Variants in PLA2G6 observed in about 807,000 individuals in gnomAD.
The protein encoded by PLA2G6 is phospholipase A2 group VI.
PLA2G6 carries 62 observed loss-of-function variants against 83.8 expected under a neutral mutation model. The observed-to-expected ratio is 0.74, with a 90% confidence interval of 0.60 to 0.91. PLA2G6 has a LOEUF of 0.91. PLA2G6 is among the 40% of genes least tolerant of loss of function. The pLI is 0.00. For synonymous variants in PLA2G6, 417 were observed against 449.8 expected, an observed-to-expected ratio of 0.93 and a Z score of 0.92; for missense variants, 944 against 1,102.0, an observed-to-expected ratio of 0.86 and a Z score of 2.03.
intron 2 of PLA2G6, among the ~76,000 whole-genome samples, chr22:38,153,940 C>T (rs1569286751): frequency 6.6e-6 from 1 of 152,178 alleles, no homozygotes; most frequent in Admixed American, 6.5e-5. Flanking sequence ...CCTGAATGAA[C>T]GTTGGCAGTG....
At chr22:38,115,959 C>G (rs773618182) in intron 13 of PLA2G6, 116 bp downstream of exon 13, 56 of 1,483,808 alleles carry the variant, frequency 3.8e-5, no homozygotes, top group Non-Finnish European at 4.7e-5. Context: ...ACCAGTGCAG[C>G]GGGTGGGCTG....
intron 3 of PLA2G6, chr22:38,144,641 A>C (rs1319536093): frequency 2.0e-5 from 3 of 148,122 alleles, no homozygotes; most frequent in Non-Finnish European, 4.4e-5. Context: ...TCAAAAAAAA[A>C]AAAAAAAAAA....
At chr22:38,127,361 T>C (rs766990154) in intron 9 of PLA2G6, 11 of 1,306,640 alleles carry the variant, frequency 8.4e-6, no homozygotes, top group Middle Eastern at 2.2e-4. Flanking sequence ...CTAGAGCTAA[T>C]GCCGCATGGC....
chr22:38,133,001 G>T lies in PLA2G6; in HGVS notation c.907C>A (p.Leu303Met). 1 of 1,565,050 alleles carries T rather than the reference G, an allele frequency of 6.4e-7. No homozygotes were observed. The stretch of plus-strand genomic sequence containing the variant: ...TTCACGTTGCAGCCCCGTTTCAGCA[G>T]CATGCGGGCCATCTGCGGGAGACGG... ...WAKNAEMARMLLKRGCNVNST... is the reference protein window; with the variant it reads ...WAKNAEMARMMLKRGCNVNST... The change falls in exon 7 of 17, where the codon CTG becomes ATG. Residue 303 changes from leucine (L) to methionine (M), a missense_variant. Transcript: ENST00000332509.
chr22:38,115,615 C>T lies in PLA2G6; in HGVS notation c.1946G>A (p.Arg649His), dbSNP rs1461947940. ...AAPTYFRPNGRFLDGGLLANN... is the reference protein window; with the variant it reads ...AAPTYFRPNGHFLDGGLLANN... ...GGCCAGCAGCCCACCGTCCAGGAAG[C>T]GCCCATTGGGTCGGAAGTAAGTAGG... Residue 649 changes from arginine to histidine, a missense_variant, in exon 14 of 17, where the codon CGC becomes CAC. By Grantham distance (29) the Arg-to-His change is conservative. Coordinates refer to ENST00000332509, the MANE Select transcript of PLA2G6 (RefSeq NM_003560.4). The T allele has an allele frequency of 3.7e-6, 6 of 1,611,416 alleles. No homozygotes were observed. The highest frequency in any genetic ancestry group is 4.5e-5 in the East Asian group (2 of 44,830).
chr22:38,119,875 T>C (rs1366167768), intron 12 of PLA2G6, among the ~76,000 whole-genome samples: 1 of 151,688 alleles, frequency 6.6e-6, no homozygotes, highest in East Asian at 1.9e-4. Context: ...TTTATAAATA[T>C]TATCTACCTC....
At chr22:38,151,499 C>T (rs1432500672) in intron 2 of PLA2G6, among the ~76,000 whole-genome samples, 1 of 152,110 alleles carries the variant, frequency 6.6e-6, no homozygotes, top group African/African-American at 2.4e-5. Context: ...CCTAGGCTTC[C>T]CAAAGTGCTG....
chr22:38,143,246 C>T lies in PLA2G6; in HGVS notation c.468G>A (p.Leu156=). 6.2e-7 allele frequency: 1 copy of T among 1,613,986 alleles called. No homozygotes were observed. The highest frequency in any genetic ancestry group is 8.5e-7 in the Non-Finnish European group (1 of 1,180,034). The change falls in exon 4 of 17, where the codon CTG becomes CTA. Residue 156 remains leucine, a synonymous_variant. Coordinates refer to ENST00000332509, the MANE Select transcript of PLA2G6 (RefSeq NM_003560.4). ...CAENEEGCTP[L]HLACRKGDGE... ...CATCACCCTTGCGGCAGGCCAGGTG[C>T]AGGGGTGTGCAGCCCTCCTCGTTCT...
Position 38,134,977 on chromosome 22 carries a change from G to T in PLA2G6, c.894+11C>A. ...CCCCTGCCCCACCCACCCACCTCAG[G>T]ATCCACTCACCTCTGCGTTCTTGGC... On this transcript the variant is annotated intron_variant, in intron 6 of 16. Coordinates refer to ENST00000332509, the MANE Select transcript of PLA2G6 (RefSeq NM_003560.4). 1.9e-6 allele frequency: 3 copies of T among 1,544,416 alleles called. No homozygotes were observed. The highest frequency in any genetic ancestry group is 1.8e-6 in the Non-Finnish European group (2 of 1,118,930).
Position 38,166,736 on chromosome 22 carries a change from A to C in PLA2G6, c.209+2482T>G, listed in dbSNP as rs547134344. On this transcript the variant is annotated intron_variant, in intron 2 of 16. Transcript: ENST00000332509. ...AGAGCAAGACTTAACGTCTCAAAAAAATAAATACATACATACATACATGGA... is the reference window on the plus strand; with the variant it reads ...AGAGCAAGACTTAACGTCTCAAAAACATAAATACATACATACATACATGGA... 9.1e-4 allele frequency among the ~76,000 whole-genome samples: 138 copies of C among 152,240 alleles called. 3 individuals carry two copies. Among genetic ancestry groups the C allele is most frequent in the Middle Eastern group, 3.4e-3 (1 of 294 alleles).
rs376867335 is a variant in PLA2G6 at position 38,164,184 on chromosome 22, C to A, written c.209+5034G>T. 2.1e-3 allele frequency among the ~76,000 whole-genome samples: 317 copies of A among 152,314 alleles called. 1 individual carries two copies. The highest frequency in any genetic ancestry group is 7.4e-3 in the African/African-American group (306 of 41,564). On this transcript the variant is annotated intron_variant, in intron 2 of 16. Transcript: ENST00000332509. ...ATTACAAGTGACCCCTGGGGGCTCACACGGGGAGAGCCAGGGCCCCCGCAC... is the reference window on the plus strand; with the variant it reads ...ATTACAAGTGACCCCTGGGGGCTCAAACGGGGAGAGCCAGGGCCCCCGCAC...
At chr22:38,126,928 T>C (rs2087897003) in intron 9 of PLA2G6, 3 of 896,690 alleles carry the variant, frequency 3.3e-6, no homozygotes, top group Non-Finnish European at 4.2e-6. Flanking sequence ...AGGACGTTCC[T>C]CGGGGTTTAA....
In PLA2G6 at chr22:38,123,282, G is replaced by A; in HGVS notation, c.1428-24C>T. On this transcript the variant is annotated intron_variant, in intron 10 of 16. Coordinates refer to ENST00000332509, the MANE Select transcript of PLA2G6 (RefSeq NM_003560.4). The surrounding 1 kb of genome is among the most constrained non-coding windows in gnomAD (Gnocchi z 4.1). ...GGCTGCAGTGGGAACAGCAGTGGGA[G>A]AGAGGAGGGTCCTGCCACAGCCCAG... 6.4e-7 allele frequency: 1 copy of A among 1,554,282 alleles called. No individual in the cohort carries two copies. The highest frequency in any genetic ancestry group is 1.2e-5 in the South Asian group (1 of 84,252).
At chr22:38,170,219 C>T (rs2090386617) in intron 1 of PLA2G6, among the ~76,000 whole-genome samples, 1 of 150,424 alleles carries the variant, frequency 6.6e-6, no homozygotes, top group African/African-American at 2.4e-5. Context: ...AAAAAAGAGG[C>T]CAGCATGGAT....
rs147948449 is a variant in PLA2G6, at chr22:38,169,326, G to A, written c.101C>T (p.Ser34Leu). Reference sequence around the variant, plus strand: ...CCCTTCCTCCCGAACTCGGTCACTCGAGGTGTAGTCGGCCACAGCCACCTC... The same window carrying A: ...CCCTTCCTCCCGAACTCGGTCACTCAAGGTGTAGTCGGCCACAGCCACCTC... The part of the protein sequence containing the change: ...VKEVAVADYT[S>L]SDRVREEGQL... The change falls in exon 2 of 17, where the codon TCG becomes TTG. Residue 34 changes from serine to leucine, a missense_variant. Transcript: ENST00000332509. 1,017 of 1,614,146 alleles carry A rather than the reference G, an allele frequency of 6.3e-4. 1 individual carries two copies. The highest frequency in any genetic ancestry group is 8.3e-4 in the Non-Finnish European group (976 of 1,179,984).
intron 11 of PLA2G6, 127 bp downstream of exon 11, chr22:38,122,967 TC>T (rs2087608607): frequency 1.1e-6 from 1 of 901,454 alleles, no homozygotes; most frequent in Non-Finnish European, 1.7e-6. Flanking sequence ...CGCCCCTGCC[TC>T]CTCAAAGTGC....
rs1009600817 is a variant in PLA2G6, at chr22:38,128,974, G to C, written c.1186+480C>G. Among the ~76,000 whole-genome samples the C allele has an allele frequency of 2.0e-5, 3 of 152,246 alleles. No homozygotes were observed. The East Asian group carries it at 5.8e-4, about 29-fold the overall frequency. On this transcript the variant is annotated intron_variant, in intron 8 of 16. Coordinates refer to ENST00000332509, the MANE Select transcript of PLA2G6 (RefSeq NM_003560.4). The surrounding 1 kb of genome is among the most constrained non-coding windows in gnomAD (Gnocchi z 4.4). Reference sequence around the variant, plus strand: ...CCTCCAGAGCGGGCTCCAGGCCTCTGGTGAGGAGGATCTGCTCTGTCCAGC... The same window carrying C: ...CCTCCAGAGCGGGCTCCAGGCCTCTCGTGAGGAGGATCTGCTCTGTCCAGC...
intron 12 of PLA2G6, among the ~76,000 whole-genome samples, chr22:38,116,851 C>CAAAAAAAAAAAAAAA (rs57712042): frequency 7.7e-4 from 29 of 37,654 alleles, no homozygotes; most frequent in Non-Finnish European, 1.2e-3. Context: ...AACTCCGTCT[C>CAAAAAAAAAAAAAAA]AAAAAAAAAA....
chr22:38,119,861 A>C (rs1306772256), intron 12 of PLA2G6, among the ~76,000 whole-genome samples: 1 of 152,104 alleles, frequency 6.6e-6, no homozygotes, highest in Non-Finnish European at 1.5e-5. Flanking sequence ...CAAGAAGAAA[A>C]ATATTTATAA....
Sources: allele counts gnomAD v4.1 joint callset (sites outside exome capture counted in the v4.1 genomes callset), GRCh38; gene constraint gnomAD v4.1.1; non-coding constraint Gnocchi (gnomAD v3.1); transcripts MANE v1.5; gene names NCBI Gene and HGNC (gene_info 2026-07-23, HGNC 2026-07-21).